The following NRG1 variants were observed in gnomAD, a reference collection of about 807,000 sequenced individuals.
NRG1 encodes pro-neuregulin-1, membrane-bound isoform.
Under a neutral mutation model 63.8 loss-of-function variants are expected in NRG1, and 18 were observed. That is an observed-to-expected ratio of 0.28 (90% CI 0.19 to 0.42). The LOEUF is 0.42. Ranked by LOEUF, NRG1 falls within the 10% of genes least tolerant of loss-of-function variation. The probability of loss-of-function intolerance (pLI) is 1.00; values close to 1 mark genes in which losing one functional copy is unlikely to be tolerated. For missense variants in NRG1, 762 were observed against 814.7 expected (o/e 0.94, Z 0.79); for synonymous variants, 302 against 301.3 (o/e 1.00, Z -0.02).
intron 1 of NRG1, among the ~76,000 whole-genome samples, chr8:31,962,274 A>G (rs910599588): frequency 1.3e-5 from 2 of 152,200 alleles, no homozygotes; most frequent in Non-Finnish European, 2.9e-5. Context: ...CAGCTAGTAA[A>G]ATGGTGTGAC....
intron 1 of NRG1, among the ~76,000 whole-genome samples, chr8:32,094,734 A>G (rs1293982148): frequency 6.6e-6 from 1 of 152,042 alleles, no homozygotes; most frequent in Non-Finnish European, 1.5e-5. Flanking sequence ...TCACCTCAGA[A>G]CTAACACCTT....
At chr8:31,856,094 G>T (rs1293326356) in intron 1 of NRG1, among the ~76,000 whole-genome samples, 2 of 151,532 alleles carry the variant, frequency 1.3e-5, no homozygotes, top group Non-Finnish European at 2.9e-5. Flanking sequence ...ATGTGTCTTG[G>T]AGTTGCTCTT....
At chr8:31,779,298 CT>C (rs1301641918) in intron 1 of NRG1, among the ~76,000 whole-genome samples, 1 of 152,048 alleles carries the variant, frequency 6.6e-6, no homozygotes, top group Non-Finnish European at 1.5e-5. Context: ...TAAACATTGC[CT>C]GTTATAGTGT....
chr8:32,190,675 T>A (rs1008773308), intron 1 of NRG1, among the ~76,000 whole-genome samples: 5 of 152,204 alleles, frequency 3.3e-5, no homozygotes, highest in Non-Finnish European at 7.3e-5. Flanking sequence ...TAATCCTTAT[T>A]AGTGGATACC....
chr8:32,210,408 C>T (rs1169951356), intron 1 of NRG1, among the ~76,000 whole-genome samples: 3 of 152,234 alleles, frequency 2.0e-5, no homozygotes, highest in South Asian at 4.1e-4. Context: ...AAGCCAAACA[C>T]CTTAGTATGC....
At chr8:31,932,848 G>A (rs1170232559) in intron 1 of NRG1, among the ~76,000 whole-genome samples, 1 of 152,126 alleles carries the variant, frequency 6.6e-6, no homozygotes, top group African/African-American at 2.4e-5. Flanking sequence ...ATATGTGTGT[G>A]TGCCCACTTG....
chr8:32,628,395 T>C (rs554219521), intron 5 of NRG1, among the ~76,000 whole-genome samples: 11 of 152,314 alleles, frequency 7.2e-5, no homozygotes, highest in Admixed American at 6.5e-4. Context: ...ACAGCATAAA[T>C]ACATCTTTGT....
At chr8:32,318,657 A>C (rs2129476552) in intron 1 of NRG1, among the ~76,000 whole-genome samples, 1 of 152,340 alleles carries the variant, frequency 6.6e-6, no homozygotes, top group Admixed American at 6.5e-5. Context: ...TCACTTACAA[A>C]GCAGTTTATG....
intron 1 of NRG1, among the ~76,000 whole-genome samples, chr8:31,749,314 C>T (rs1317321902): frequency 6.6e-6 from 1 of 151,760 alleles, no homozygotes; most frequent in African/African-American, 2.4e-5. Flanking sequence ...AATAAATGAT[C>T]AGTTTTTATA....
At chr8:31,659,309 A>G (rs1805736473) in intron 1 of NRG1, among the ~76,000 whole-genome samples, 1 of 152,186 alleles carries the variant, frequency 6.6e-6, no homozygotes, top group Non-Finnish European at 1.5e-5. Context: ...TTCCCGGAAA[A>G]GTTAAAATGA....
chr8:32,208,846 T>A (rs1363739445), intron 1 of NRG1, among the ~76,000 whole-genome samples: 3 of 152,206 alleles, frequency 2.0e-5, no homozygotes, highest in Non-Finnish European at 2.9e-5. Flanking sequence ...AATATGGATG[T>A]ACCTCAAAAT....
At chr8:31,858,883 C>T (rs764111412) in intron 1 of NRG1, among the ~76,000 whole-genome samples, 5 of 152,168 alleles carry the variant, frequency 3.3e-5, no homozygotes, top group Non-Finnish European at 5.9e-5. Flanking sequence ...CACCTGATCT[C>T]TCGCGAACTG....
At chr8:31,815,047 G>C (rs1823300992) in intron 1 of NRG1, among the ~76,000 whole-genome samples, 1 of 152,056 alleles carries the variant, frequency 6.6e-6, no homozygotes, top group Non-Finnish European at 1.5e-5. Context: ...AAAAGGTACA[G>C]GTTTGTTTGC....
chr8:31,741,879 C>T (rs1432699203), intron 1 of NRG1, among the ~76,000 whole-genome samples: 1 of 151,774 alleles, frequency 6.6e-6, no homozygotes, highest in Non-Finnish European at 1.5e-5. Context: ...CCAGGAAGCA[C>T]ATATAAGAAT....
chr8:31,978,834 G>A (rs1450718269), intron 1 of NRG1, among the ~76,000 whole-genome samples: 1 of 152,108 alleles, frequency 6.6e-6, no homozygotes, highest in Non-Finnish European at 1.5e-5. Context: ...ATTTTTATGA[G>A]AATCATAATT....
intron 6 of NRG1, among the ~76,000 whole-genome samples, chr8:32,730,566 G>T (rs557398138): frequency 1.3e-5 from 2 of 152,184 alleles, no homozygotes; most frequent in South Asian, 4.1e-4. Context: ...TAATCTTAGA[G>T]ATTCACTTCT....
intron 5 of NRG1, among the ~76,000 whole-genome samples, chr8:32,727,152 C>A (rs1399486076): frequency 6.6e-6 from 1 of 152,146 alleles, no homozygotes. Context: ...CACCCACTTT[C>A]ATGTAACATG....
rs114112899 is a variant in NRG1, at chr8:32,324,293, C to G, written c.38-271535C>G. On this transcript the variant is annotated intron_variant, in intron 1 of 10. Transcript: ENST00000519301. ...GAAAGCAGGCTTATGCCCTGTAAGCCGGGGGTATCTCCAAATCGTGCAGGA... is the reference window on the plus strand; with the variant it reads ...GAAAGCAGGCTTATGCCCTGTAAGCGGGGGGTATCTCCAAATCGTGCAGGA... Among the ~76,000 whole-genome samples the G allele has an allele frequency of 2.7e-3, 416 of 152,246 alleles. 3 individuals are homozygous for G. The highest frequency in any genetic ancestry group is 9.7e-3 in the African/African-American group (405 of 41,546).
chr8:32,073,430 C>T (rs978666080), intron 1 of NRG1, among the ~76,000 whole-genome samples: 4 of 151,960 alleles, frequency 2.6e-5, no homozygotes, highest in South Asian at 2.1e-4. Context: ...CAGATTTCTC[C>T]GTAGCAGACT....
Sources: allele counts gnomAD v4.1 joint callset (sites outside exome capture counted in the v4.1 genomes callset), GRCh38; gene constraint gnomAD v4.1.1; transcripts MANE v1.5; gene names NCBI Gene and HGNC (gene_info 2026-07-23, HGNC 2026-07-21).